The following SPATA16 variants were observed in gnomAD, a reference collection of about 807,000 sequenced individuals.
The protein encoded by SPATA16 is spermatogenesis associated 16.
A neutral mutation model predicts 63.3 loss-of-function variants in SPATA16; 36 were observed. That is an observed-to-expected ratio of 0.57 (90% CI 0.44 to 0.75). The LOEUF (loss-of-function observed/expected upper bound fraction) is 0.75. SPATA16 is among the 30% of genes least tolerant of loss of function. The pLI, the probability that SPATA16 is intolerant of heterozygous loss-of-function variation, is 0.00. For synonymous variants in SPATA16, 203 were observed against 216.7 expected (o/e 0.94, Z 0.56); for missense variants, 646 against 679.3 (o/e 0.95, Z 0.54).
chr3:173,010,435 CGT>C (rs66547523), intron 4 of SPATA16, among the ~76,000 whole-genome samples: 19,690 of 141,026 alleles, frequency 0.14, 1,366 homozygotes, highest in East Asian at 0.22. Context: ...CACGTTGTGG[CGT>C]GTGTGTGTGT....
At chr3:172,896,351 G>A (rs185752991) in intron 10 of SPATA16, among the ~76,000 whole-genome samples, 14 of 152,266 alleles carry the variant, frequency 9.2e-5, no homozygotes, top group South Asian at 2.1e-4. Flanking sequence ...CTCCCGAGTA[G>A]CTGGGACTAT....
intron 4 of SPATA16, among the ~76,000 whole-genome samples, chr3:172,978,136 T>C (rs1006685924): frequency 6.1e-5 from 9 of 146,958 alleles, no homozygotes; most frequent in African/African-American, 2.3e-4. Context: ...TCTCTCTCTC[T>C]CCCTCTCTCT....
At chr3:172,930,598 G>A (rs61259369) in intron 6 of SPATA16, among the ~76,000 whole-genome samples, 1,200 of 119,362 alleles carry the variant, frequency 0.01, 15 homozygotes, top group African/African-American at 0.037. Flanking sequence ...TCGCTCTGTC[G>A]CCCAGGCTGG....
intron 8 of SPATA16, among the ~76,000 whole-genome samples, chr3:172,918,147 C>G (rs1732537128): frequency 6.6e-6 from 1 of 152,172 alleles, no homozygotes; most frequent in Non-Finnish European, 1.5e-5. Context: ...AAACATGTAG[C>G]TAAACAATGG....
At chr3:173,026,618 TAA>T (rs944365773) in intron 3 of SPATA16, among the ~76,000 whole-genome samples, 15 of 152,052 alleles carry the variant, frequency 9.9e-5, no homozygotes, top group Non-Finnish European at 2.9e-5. Context: ...GAGGTAAAGA[TAA>T]AGACATTTTA....
intron 4 of SPATA16, among the ~76,000 whole-genome samples, chr3:172,984,521 T>C (rs1734396756): frequency 6.6e-6 from 1 of 152,172 alleles, no homozygotes; most frequent in African/African-American, 2.4e-5. Context: ...TAGTTGGTGG[T>C]CACTGAAGAA....
intron 1 of SPATA16, among the ~76,000 whole-genome samples, chr3:173,118,720 G>T (rs1238576799): frequency 6.6e-6 from 1 of 152,084 alleles, no homozygotes; most frequent in Non-Finnish European, 1.5e-5. Context: ...CACATTGGTT[G>T]GTCATTAGCA....
rs1264062737 is a variant in SPATA16 at position 172,977,137 on chromosome 3, C to T, written c.849-85G>A. The T allele has an allele frequency of 8.7e-6, 9 of 1,038,898 alleles. No individual in the cohort carries two copies. The African/African-American group carries it at 1.1e-4, about 13-fold the overall frequency. 64.4% of individuals were successfully genotyped at this position (1,038,898 alleles called of 1,614,324 possible). On this transcript the variant is annotated intron_variant, in intron 4 of 10. Coordinates refer to ENST00000351008, the MANE Select transcript of SPATA16 (RefSeq NM_031955.6). ...CCATAACAGGCACTATATACAAATACTGAGGAAGATGATTTTTAATGTATA... is the reference window on the plus strand; with the variant it reads ...CCATAACAGGCACTATATACAAATATTGAGGAAGATGATTTTTAATGTATA...
intron 2 of SPATA16, among the ~76,000 whole-genome samples, chr3:173,108,768 A>G (rs114415234): frequency 0.017 from 2,616 of 152,230 alleles, 33 homozygotes; most frequent in South Asian, 0.032. Flanking sequence ...TTTTCACTAT[A>G]TCTTTTCTAT....
chr3:172,978,770 A>G (rs556931384), intron 4 of SPATA16, among the ~76,000 whole-genome samples: 16 of 152,382 alleles, frequency 1.0e-4, no homozygotes, highest in African/African-American at 3.6e-4. Context: ...TGGTTTAACA[A>G]CTACTCAACT....
chr3:172,908,209 T>C (rs925758483), intron 10 of SPATA16, among the ~76,000 whole-genome samples: 6 of 152,310 alleles, frequency 3.9e-5, no homozygotes, highest in Non-Finnish European at 7.3e-5. Context: ...CAAAAGAGTA[T>C]GTTTCCTCAG....
At chr3:172,919,011 CTT>C (rs1481267701) in intron 8 of SPATA16, among the ~76,000 whole-genome samples, 3 of 152,156 alleles carry the variant, frequency 2.0e-5, no homozygotes. Context: ...GTAGGAAACA[CTT>C]ATTATTGTTC....
intron 1 of SPATA16, among the ~76,000 whole-genome samples, chr3:173,138,416 A>G (rs952677148): frequency 2.6e-5 from 4 of 152,186 alleles, no homozygotes; most frequent in Non-Finnish European, 4.4e-5. Flanking sequence ...TTTCAACTCT[A>G]TATTTTCAAA....
chr3:173,067,838 A>G (rs1286515988), intron 2 of SPATA16, among the ~76,000 whole-genome samples: 1 of 152,248 alleles, frequency 6.6e-6, no homozygotes, highest in Non-Finnish European at 1.5e-5. Context: ...GCTCAAGGAT[A>G]AAGAAGGAAT....
chr3:172,930,924 G>A (rs1459865830), intron 6 of SPATA16, among the ~76,000 whole-genome samples: 1 of 151,710 alleles, frequency 6.6e-6, no homozygotes, highest in African/African-American at 2.4e-5. Flanking sequence ...CTACCTTCTG[G>A]CGATTCTCCT....
chr3:173,045,268 T>C (rs1380107018), intron 3 of SPATA16, among the ~76,000 whole-genome samples: 1 of 152,094 alleles, frequency 6.6e-6, no homozygotes, highest in Non-Finnish European at 1.5e-5. Flanking sequence ...TAGTTTAACT[T>C]GATATCCATG....
chr3:173,084,398 C>T (rs1400981522), intron 2 of SPATA16, among the ~76,000 whole-genome samples: 4 of 151,888 alleles, frequency 2.6e-5, no homozygotes, highest in African/African-American at 9.7e-5. Flanking sequence ...GTTGAAATTC[C>T]TTGTAGATTC....
At chr3:172,905,778 T>C (rs1287939011) in intron 10 of SPATA16, among the ~76,000 whole-genome samples, 1 of 152,210 alleles carries the variant, frequency 6.6e-6, no homozygotes, top group Non-Finnish European at 1.5e-5. Context: ...TTACCTATAC[T>C]CTATTTGTTG....
At chr3:173,053,250 G>A (rs1265637451) in intron 2 of SPATA16, among the ~76,000 whole-genome samples, 1 of 152,098 alleles carries the variant, frequency 6.6e-6, no homozygotes, top group Non-Finnish European at 1.5e-5. Flanking sequence ...CAGCTACTAG[G>A]GAGGATGAGG....
Sources: gnomAD v4.1 joint callset for allele counts (sites outside exome capture counted in the v4.1 genomes callset) on GRCh38, gnomAD v4.1.1 for gene constraint, MANE v1.5 for transcripts, NCBI Gene and HGNC (gene_info 2026-07-23, HGNC 2026-07-21) for gene names.